The following IMMP2L variants were observed in gnomAD, a reference collection of about 807,000 sequenced individuals.
IMMP2L encodes mitochondrial inner membrane protease subunit 2.
A neutral mutation model predicts 19.3 loss-of-function variants in IMMP2L; 18 were observed. The observed-to-expected ratio is 0.93, with a 90% CI of 0.64 to 1.38. The LOEUF (loss-of-function observed/expected upper bound fraction) is 1.38, where lower values mean the gene tolerates loss of function less well. Ranked by LOEUF, IMMP2L falls within the 40% of genes most tolerant of loss-of-function variation. The pLI is 0.00. For synonymous variants in IMMP2L, 76 were observed against 73.0 expected, an observed-to-expected ratio of 1.04 and a Z score of -0.21; for missense variants, 233 against 218.2, an observed-to-expected ratio of 1.07 and a Z score of -0.43.
intron 3 of IMMP2L, among the ~76,000 whole-genome samples, chr7:111,031,956 T>G (rs1585856469): frequency 7.5e-6 from 1 of 133,668 alleles, no homozygotes; most frequent in Non-Finnish European, 1.7e-5. Flanking sequence ...TTTTTTTTTT[T>G]GAGACAGGGT....
chr7:111,187,617 G>T (rs1808412982), intron 3 of IMMP2L, among the ~76,000 whole-genome samples: 1 of 152,048 alleles, frequency 6.6e-6, no homozygotes, highest in Admixed American at 6.6e-5. Context: ...TTGAAGGAAT[G>T]AACGTTGTCA....
At chr7:111,369,250 A>C (rs1040306316) in intron 3 of IMMP2L, among the ~76,000 whole-genome samples, 46 of 152,112 alleles carry the variant, frequency 3.0e-4, no homozygotes, top group African/African-American at 1.1e-3. Context: ...ACTCTCAGTA[A>C]ATAGCATTAC....
chr7:111,236,704 T>TC (rs1234606304), intron 3 of IMMP2L, among the ~76,000 whole-genome samples: 1 of 152,076 alleles, frequency 6.6e-6, no homozygotes, highest in African/African-American at 2.4e-5. Context: ...CACCTGGACT[T>TC]CCCCAGACTC....
At chr7:111,507,373 C>T (rs753353303) in intron 2 of IMMP2L, among the ~76,000 whole-genome samples, 3 of 152,128 alleles carry the variant, frequency 2.0e-5, no homozygotes, top group Non-Finnish European at 2.9e-5. Context: ...TCAATATTTT[C>T]GCCTGGAAAT....
At chr7:111,149,117 T>C (rs1218426930) in intron 3 of IMMP2L, among the ~76,000 whole-genome samples, 3 of 152,058 alleles carry the variant, frequency 2.0e-5, no homozygotes, top group Non-Finnish European at 4.4e-5. Context: ...GTTGAAGACA[T>C]CACAAATATA....
chr7:111,417,087 TAGA>T (rs945913978), intron 3 of IMMP2L, among the ~76,000 whole-genome samples: 7 of 151,754 alleles, frequency 4.6e-5, no homozygotes, highest in African/African-American at 1.7e-4. Flanking sequence ...AGCACAGATA[TAGA>T]AGATTTCTAT....
At chr7:111,375,934 G>T in intron 3 of IMMP2L, among the ~76,000 whole-genome samples, 1 of 152,164 alleles carries the variant, frequency 6.6e-6, no homozygotes, top group East Asian at 1.9e-4. Flanking sequence ...AATAACAATA[G>T]TAATACAAGA....
At chr7:111,485,176 ATC>A (rs1842524730) in intron 3 of IMMP2L, among the ~76,000 whole-genome samples, 1 of 152,158 alleles carries the variant, frequency 6.6e-6, no homozygotes, top group Admixed American at 6.5e-5. Context: ...CTTCACGATC[ATC>A]TGTTGTTAAA....
intron 3 of IMMP2L, among the ~76,000 whole-genome samples, chr7:111,468,071 A>G (rs1840850283): frequency 6.6e-6 from 1 of 152,192 alleles, no homozygotes; most frequent in East Asian, 1.9e-4. Context: ...GTAACAATTA[A>G]AGTCATTCTT....
At chr7:111,313,831 A>G (rs1451985671) in intron 3 of IMMP2L, among the ~76,000 whole-genome samples, 1 of 152,160 alleles carries the variant, frequency 6.6e-6, no homozygotes, top group African/African-American at 2.4e-5. Flanking sequence ...TCCAAATTTC[A>G]TGTTGAACTG....
chr7:111,140,863 C>T (rs1490397502), intron 3 of IMMP2L, among the ~76,000 whole-genome samples: 2 of 152,136 alleles, frequency 1.3e-5, no homozygotes, highest in African/African-American at 4.8e-5. Flanking sequence ...AGGTAAATGA[C>T]TGAGTGACAA....
intron 1 of IMMP2L, among the ~76,000 whole-genome samples, chr7:111,534,720 A>C (rs1447326490): frequency 6.6e-6 from 1 of 152,198 alleles, no homozygotes; most frequent in Non-Finnish European, 1.5e-5. Flanking sequence ...TGGTTCATAC[A>C]CAATTTTCCC....
intron 3 of IMMP2L, among the ~76,000 whole-genome samples, chr7:110,974,829 C>A (rs1820523695): frequency 6.6e-6 from 1 of 152,108 alleles, no homozygotes; most frequent in Non-Finnish European, 1.5e-5. Flanking sequence ...AGAAAATATG[C>A]AAGTTTGCTT....
At chr7:111,432,026 G>A (rs1205412248) in intron 3 of IMMP2L, among the ~76,000 whole-genome samples, 1 of 151,766 alleles carries the variant, frequency 6.6e-6, no homozygotes, top group East Asian at 1.9e-4. Flanking sequence ...CCCAAAGAGG[G>A]GGTCATGGGA....
chr7:111,300,542 G>A (rs570756221), intron 3 of IMMP2L, among the ~76,000 whole-genome samples: 2 of 152,144 alleles, frequency 1.3e-5, no homozygotes, highest in African/African-American at 4.8e-5. Flanking sequence ...CATTAACACA[G>A]TCAAAATATA....
At chr7:111,211,383 A>C (rs1163925953) in intron 3 of IMMP2L, among the ~76,000 whole-genome samples, 1 of 152,210 alleles carries the variant, frequency 6.6e-6, no homozygotes, top group African/African-American at 2.4e-5. Context: ...GAAGAAAAAA[A>C]AGGAAAGACA....
intron 3 of IMMP2L, among the ~76,000 whole-genome samples, chr7:111,055,334 C>T (rs889102865): frequency 3.9e-5 from 6 of 152,146 alleles, no homozygotes; most frequent in Non-Finnish European, 7.3e-5. Flanking sequence ...TGAGCCACCA[C>T]GCTCAGCTGA....
chr7:111,026,755 C>T (rs1249012111), intron 3 of IMMP2L, among the ~76,000 whole-genome samples: 1 of 152,148 alleles, frequency 6.6e-6, no homozygotes, highest in African/African-American at 2.4e-5. Context: ...TATCCCCACA[C>T]TGCTCTTAAA....
At chr7:111,235,948 G>A (rs1814258696) in intron 3 of IMMP2L, among the ~76,000 whole-genome samples, 2 of 151,628 alleles carry the variant, frequency 1.3e-5, no homozygotes, top group African/African-American at 4.8e-5. Flanking sequence ...TTTCTTTGTA[G>A]ACTAAACTGT....
Sources: allele counts gnomAD v4.1 joint callset (sites outside exome capture counted in the v4.1 genomes callset), GRCh38; gene constraint gnomAD v4.1.1; transcripts MANE v1.5; gene names NCBI Gene and HGNC (gene_info 2026-07-23, HGNC 2026-07-21).